Variants in PIWIL2 observed in about 807,000 individuals in gnomAD.
PIWIL2 encodes piwi like RNA-mediated gene silencing 2.
A neutral mutation model predicts 116.5 loss-of-function variants in PIWIL2; 81 were observed. That is an observed-to-expected ratio of 0.70 (90% confidence interval 0.58 to 0.84). The LOEUF is 0.84. Among genes scored for constraint, PIWIL2 ranks in the 40% least tolerant of loss-of-function variants. The probability of loss-of-function intolerance (pLI) is 0.00; values close to 1 mark genes in which losing one functional copy is unlikely to be tolerated. For synonymous variants in PIWIL2, 489 were observed against 429.5 expected, an observed-to-expected ratio of 1.14 and a Z score of -1.71; for missense variants, 1,272 against 1,212.3, an observed-to-expected ratio of 1.05 and a Z score of -0.73.
Position 22,306,039 on chromosome 8 carries a change from CG to C in PIWIL2, c.1545+25del, listed in dbSNP as rs1357759906. On this transcript the variant is annotated intron_variant, in intron 13 of 22. Coordinates refer to ENST00000356766, the MANE Select transcript of PIWIL2 (RefSeq NM_018068.5). The stretch of plus-strand genomic sequence containing the variant: ...AAGGTTGGAGTCCTGTGTTTTCAGC[CG>C]GAAATGCCCACTTTGTGAGGCAGCC... 3 of 1,526,348 alleles carry C rather than the reference CG, an allele frequency of 2.0e-6. No individual in the cohort carries two copies. The Admixed American group carries it at 5.0e-5, about 26-fold the overall frequency. The allele number at this position is 1,526,348 out of a possible 1,614,324, so 94.6% of individuals were successfully genotyped here. A position where few individuals can be genotyped will look rare whatever the true frequency, so the allele number is the denominator to read the frequency against.
At chr8:22,311,066 G>A (rs754896750) in intron 15 of PIWIL2, 46 bp from the exon 16 acceptor site, 2 of 1,459,600 alleles carry the variant, frequency 1.4e-6, no homozygotes, top group South Asian at 1.3e-5. Context: ...ATGAGTTTGG[G>A]ATATTTAAAT....
chr8:22,325,257 G>T (rs865899363), intron 20 of PIWIL2, among the ~76,000 whole-genome samples: 3 of 152,144 alleles, frequency 2.0e-5, no homozygotes, highest in African/African-American at 2.4e-5. Context: ...TCTACCTAGT[G>T]GAGATGTTTG....
In PIWIL2 at chr8:22,307,153, T is replaced by C. The variant is rs534018324; in HGVS notation, c.1546-780T>C. On this transcript the variant is annotated intron_variant, in intron 13 of 22. Coordinates refer to ENST00000356766, the MANE Select transcript of PIWIL2 (RefSeq NM_018068.5). Reference sequence around the variant, plus strand: ...GCTGGATGCCTCACACATGGCATTTTTTACACATTTTTTCCCAAATTTTAT... The same window carrying C: ...GCTGGATGCCTCACACATGGCATTTCTTACACATTTTTTCCCAAATTTTAT... 4.6e-5 allele frequency among the ~76,000 whole-genome samples: 7 copies of C among 152,334 alleles called. No homozygotes were observed. In the South Asian group the frequency reaches 1.4e-3, roughly 32 times the overall value.
At chr8:22,351,440 CATATATATATATATATATATATA>C in intron 20 of PIWIL2, among the ~76,000 whole-genome samples, 1 of 52,956 alleles carries the variant, frequency 1.9e-5, no homozygotes, top group African/African-American at 5.6e-5. Flanking sequence ...TGCATACATA[CATATATATATATATATATATATA>C]TATATATATA....
chr8:22,349,135 GC>G (rs1194897251), intron 20 of PIWIL2, among the ~76,000 whole-genome samples: 1 of 145,168 alleles, frequency 6.9e-6, no homozygotes, highest in Non-Finnish European at 1.5e-5. Flanking sequence ...TGCAACCTCT[GC>G]CCCCCGGGTT....
chr8:22,323,863 G>A (rs1322286668), intron 20 of PIWIL2, among the ~76,000 whole-genome samples: 2 of 152,148 alleles, frequency 1.3e-5, no homozygotes, highest in African/African-American at 4.8e-5. Flanking sequence ...TCAAAAGCAG[G>A]AGTCCTCTCA....
chr8:22,297,120 C>G (rs1037146721), intron 10 of PIWIL2, among the ~76,000 whole-genome samples: 17 of 152,190 alleles, frequency 1.1e-4, no homozygotes, highest in African/African-American at 3.9e-4. Flanking sequence ...TCCCAAGTAG[C>G]TGGGACTACA....
At chr8:22,288,439 A>G in intron 7 of PIWIL2, 103 bp from the exon 8 acceptor site, 1 of 803,622 alleles carries the variant, frequency 1.2e-6, no homozygotes, top group South Asian at 2.9e-5. Context: ...AAATGTTTTA[A>G]GATACTTTAG....
At position 22,305,971 on chromosome 8, in the gene PIWIL2, G is replaced by A; in HGVS notation, c.1500G>A (p.Met500Ile). The A allele has an allele frequency of 6.2e-7, 1 of 1,614,048 alleles. No homozygotes were observed. The highest frequency in any genetic ancestry group is 1.1e-5 in the South Asian group (1 of 91,040). Residue 500 changes from methionine to isoleucine, a missense_variant, in exon 13 of 23, where the codon ATG becomes ATA. By Grantham distance (10) the Met-to-Ile change is conservative. Coordinates refer to ENST00000356766, the MANE Select transcript of PIWIL2 (RefSeq NM_018068.5). ...EILLLPELSF[M>I]TGIPEKMKKD... ...TGCTGCTGCCTGAGCTTTCTTTTAT[G>A]ACCGGAATCCCAGAGAAGATGAAGA... is the stretch of plus-strand genomic sequence containing the variant.
At position 22,319,019 on chromosome 8, in the gene PIWIL2, A is replaced by G. The variant is rs1471974090; in HGVS notation, c.2403+744A>G. ...CCTCGAACTCTAAAGAATGCTAACC[A>G]TGGAGGATTGCTATAATTAAGCTGA... On this transcript the variant is annotated intron_variant, in intron 20 of 22. Transcript: ENST00000356766. 2.0e-5 allele frequency among the ~76,000 whole-genome samples: 3 copies of G among 152,196 alleles called. No individual in the cohort carries two copies. In the South Asian group the frequency reaches 6.2e-4, roughly 31 times the overall value.
chr8:22,330,952 A>G (rs983870826), intron 20 of PIWIL2, among the ~76,000 whole-genome samples: 1 of 151,842 alleles, frequency 6.6e-6, no homozygotes, highest in African/African-American at 2.4e-5. Flanking sequence ...AGGCGGGTGG[A>G]TCCCCTGAAG....
intron 13 of PIWIL2, among the ~76,000 whole-genome samples, chr8:22,306,348 G>T (rs920838656): frequency 5.3e-5 from 8 of 152,240 alleles, no homozygotes; most frequent in African/African-American, 1.9e-4. Context: ...ATGACCATGG[G>T]TGAGGTTCTT....
intron 16 of PIWIL2, among the ~76,000 whole-genome samples, chr8:22,312,981 T>C (rs918820481): frequency 3.3e-5 from 5 of 152,162 alleles, no homozygotes; most frequent in Non-Finnish European, 7.4e-5. Flanking sequence ...ACCATGCCTG[T>C]CATACTCTAC....
At chr8:22,354,128 C>T (rs1407704849) in intron 21 of PIWIL2, 143 bp from the exon 22 acceptor site, 3 of 610,806 alleles carry the variant, frequency 4.9e-6, no homozygotes, top group Non-Finnish European at 8.8e-6. Flanking sequence ...GGGTTCTAAT[C>T]CTGGTCTGGC....
chr8:22,352,775 C>T (rs1344197673), intron 20 of PIWIL2, 184 bp from the exon 21 acceptor site: 3 of 559,220 alleles, frequency 5.4e-6, no homozygotes, highest in South Asian at 3.4e-5. Flanking sequence ...TGTTTTACTA[C>T]CCCAAGGAAG....
chr8:22,323,349 T>C (rs562634493), intron 20 of PIWIL2, among the ~76,000 whole-genome samples: 8 of 152,142 alleles, frequency 5.3e-5, no homozygotes. Flanking sequence ...GGTATCACCA[T>C]GTTGGCCAGG....
At chr8:22,295,691 G>A (rs1442238082) in intron 10 of PIWIL2, among the ~76,000 whole-genome samples, 1 of 152,056 alleles carries the variant, frequency 6.6e-6, no homozygotes, top group Non-Finnish European at 1.5e-5. Flanking sequence ...TACCACCTTC[G>A]TTCCCTGTTC....
intron 13 of PIWIL2, among the ~76,000 whole-genome samples, chr8:22,306,763 GTTC>G (rs1489740828): frequency 6.6e-6 from 1 of 152,116 alleles, no homozygotes; most frequent in Non-Finnish European, 1.5e-5. Context: ...TTACCTTCCA[GTTC>G]TTCTACTTTC....
chr8:22,311,372 C>T (rs1396282918), intron 16 of PIWIL2, 72 bp downstream of exon 16: 4 of 1,226,810 alleles, frequency 3.3e-6, no homozygotes, highest in Non-Finnish European at 3.5e-6. Context: ...TTTAATGTAT[C>T]ATGGTTATCA....
Sources: allele counts gnomAD v4.1 joint callset (sites outside exome capture counted in the v4.1 genomes callset), GRCh38; gene constraint gnomAD v4.1.1; transcripts MANE v1.5; gene names NCBI Gene and HGNC (gene_info 2026-07-23, HGNC 2026-07-21).